The following OPRM1 variants were observed in gnomAD, a reference collection of about 807,000 sequenced individuals.
The protein encoded by OPRM1 is mu-type opioid receptor.
OPRM1 carries 27 observed loss-of-function variants against 31.8 expected under a neutral mutation model. The observed-to-expected ratio is 0.85, with a 90% CI of 0.63 to 1.17. The LOEUF is 1.17. OPRM1 is among the 50% of genes most tolerant of loss of function. The probability of loss-of-function intolerance (pLI) is 0.00; values close to 1 mark genes in which losing one functional copy is unlikely to be tolerated. For missense variants in OPRM1, 536 were observed against 511.1 expected (o/e 1.05, Z -0.47); for synonymous variants, 196 against 189.9 (o/e 1.03, Z -0.26).
At chr6:154,086,991 T>G in intron 1 of OPRM1, 1 of 984,010 alleles carries the variant, frequency 1.0e-6, no homozygotes, top group African/African-American at 1.7e-5. Flanking sequence ...TACTTTGGAG[T>G]ATTTGTCTAC....
At chr6:154,182,738 A>G (rs9371331) in intron 3 of OPRM1, among the ~76,000 whole-genome samples, 28,534 of 152,174 alleles carry the variant, frequency 0.19, 3,003 homozygotes, top group Non-Finnish European at 0.23. Context: ...TACGAATCCA[A>G]TGCATTGTAG....
chr6:154,143,080 A>T (rs1033402838), intron 3 of OPRM1, among the ~76,000 whole-genome samples: 3 of 152,172 alleles, frequency 2.0e-5, no homozygotes, highest in African/African-American at 7.2e-5. Context: ...TCTCATTTCT[A>T]ATATATATAT....
chr6:154,163,990 T>C (rs1260010707), intron 3 of OPRM1, among the ~76,000 whole-genome samples: 1 of 152,218 alleles, frequency 6.6e-6, no homozygotes, highest in African/African-American at 2.4e-5. Context: ...TTCTTCTTTC[T>C]GAGTTTTCAA....
At chr6:154,143,522 T>C (rs1172985553) in intron 3 of OPRM1, among the ~76,000 whole-genome samples, 1 of 152,244 alleles carries the variant, frequency 6.6e-6, no homozygotes, top group African/African-American at 2.4e-5. Flanking sequence ...AGTGTAAGAA[T>C]ATAAATTGCC....
chr6:154,149,544 G>T (rs768952594), intron 3 of OPRM1, among the ~76,000 whole-genome samples: 10 of 152,052 alleles, frequency 6.6e-5, no homozygotes, highest in African/African-American at 9.7e-5. Context: ...ACAAGGGATT[G>T]TGACTTTCTT....
intron 3 of OPRM1, among the ~76,000 whole-genome samples, chr6:154,196,125 T>G (rs1776608187): frequency 6.6e-6 from 1 of 152,152 alleles, no homozygotes; most frequent in Non-Finnish European, 1.5e-5. Flanking sequence ...TAGCACAAAG[T>G]ACATCAGCAC....
downstream of OPRM1, among the ~76,000 whole-genome samples, chr6:154,133,804 C>G (rs1444292836): frequency 6.6e-6 from 1 of 152,180 alleles, no homozygotes; most frequent in Non-Finnish European, 1.5e-5. Flanking sequence ...GCAGCGTAAG[C>G]CCTCCAAGTG....
chr6:154,187,653 C>G (rs972920092), intron 3 of OPRM1, among the ~76,000 whole-genome samples: 1 of 152,190 alleles, frequency 6.6e-6, no homozygotes, highest in Non-Finnish European at 1.5e-5. Context: ...CATCATGTCT[C>G]ACTCAACCCT....
intron 1 of OPRM1, among the ~76,000 whole-genome samples, chr6:154,019,747 C>CTTTTCTTTTTTTTTTTTT (rs61209522): frequency 3.3e-5 from 4 of 122,018 alleles, no homozygotes; most frequent in African/African-American, 6.8e-5. Flanking sequence ...CTTTTCTTTT[C>CTTTTCTTTTTTTTTTTTT]TTTTTTTTTT....
chr6:154,229,942 C>T (rs758674454), intron 3 of OPRM1, among the ~76,000 whole-genome samples: 4 of 152,118 alleles, frequency 2.6e-5, no homozygotes, highest in African/African-American at 4.8e-5. Context: ...AAACATTCTG[C>T]TAAGTGAAAG....
At chr6:154,163,319 T>G (rs1009404672) in intron 3 of OPRM1, among the ~76,000 whole-genome samples, 3 of 152,264 alleles carry the variant, frequency 2.0e-5, no homozygotes, top group Non-Finnish European at 4.4e-5. Context: ...TTTGTGTTTT[T>G]GTTCCTTTTG....
chr6:154,126,346 G>A lies in OPRM1; in HGVS notation c.*7625G>A, dbSNP rs1396477625. 6.6e-6 allele frequency among the ~76,000 whole-genome samples: 1 copy of A among 152,192 alleles called. No individual in the cohort carries two copies. On this transcript the variant is annotated 3_prime_UTR_variant, in exon 4 of 4. Coordinates refer to ENST00000330432, the MANE Select transcript of OPRM1 (RefSeq NM_000914.5). ...TTAACAAGACCAGAGAGAAGGGAGA[G>A]GAGACTACATTTGTGTGACCTAATG... is the stretch of plus-strand genomic sequence containing the variant.
In OPRM1 at chr6:154,119,868, T is replaced by C. The variant is rs1440183430; in HGVS notation, c.*1147T>C. ...TTTCCTGAAGATTGTGTTTATATAA[T>C]GTCATCACCAATATTTTGGTCTTTT... On this transcript the variant is annotated 3_prime_UTR_variant, in exon 4 of 4. Transcript: ENST00000330432. Among the ~76,000 whole-genome samples, 1 of 152,254 alleles carries C rather than the reference T, an allele frequency of 6.6e-6. No homozygotes were observed. The highest frequency in any genetic ancestry group is 1.5e-5 in the Non-Finnish European group (1 of 68,044).
chr6:154,189,986 A>G (rs1414632231), intron 3 of OPRM1, among the ~76,000 whole-genome samples: 2 of 152,158 alleles, frequency 1.3e-5, no homozygotes, highest in East Asian at 3.8e-4. Context: ...TAATATGTAC[A>G]ATTGTTATAT....
chr6:154,091,155 A>T lies in OPRM1; in HGVS notation c.847A>T (p.Met283Leu). The T allele has an allele frequency of 3.7e-6, 6 of 1,614,138 alleles. No homozygotes were observed. The highest frequency in any genetic ancestry group is 5.1e-6 in the Non-Finnish European group (6 of 1,180,016). The change falls in exon 3 of 4, where the codon ATG (methionine) becomes TTG (leucine). Residue 283 changes from methionine to leucine, a missense_variant. Transcript: ENST00000330432. ...CAGGAATCTTCGAAGGATCACCAGGATGGTGCTGGTGGTGGTGGCTGTGTT... is the reference window on the plus strand; with the variant it reads ...CAGGAATCTTCGAAGGATCACCAGGTTGGTGCTGGTGGTGGTGGCTGTGTT... ...KDRNLRRITR[M>L]VLVVVAVFIV...
chr6:154,110,088 T>G (rs796598281), intron 3 of OPRM1, among the ~76,000 whole-genome samples: 19 of 152,346 alleles, frequency 1.2e-4, no homozygotes, highest in African/African-American at 3.6e-4. Flanking sequence ...ATTGTTGAAC[T>G]CTTATTCTTA....
At chr6:154,210,632 A>C (rs1036913629) in intron 3 of OPRM1, among the ~76,000 whole-genome samples, 1 of 152,228 alleles carries the variant, frequency 6.6e-6, no homozygotes, top group Non-Finnish European at 1.5e-5. Context: ...AAAGATATAA[A>C]GAAAATAAAA....
intron 1 of OPRM1, among the ~76,000 whole-genome samples, chr6:154,040,664 C>T (rs1779871720): frequency 6.6e-6 from 1 of 152,196 alleles, no homozygotes; most frequent in African/African-American, 2.4e-5. Context: ...TGACCAAAAG[C>T]ATCATAATTC....
chr6:154,057,032 C>T (rs893014093), intron 1 of OPRM1, among the ~76,000 whole-genome samples: 1 of 152,136 alleles, frequency 6.6e-6, no homozygotes, highest in African/African-American at 2.4e-5. Context: ...AAAAGGAAGC[C>T]TTTTCAACTT....
Sources: gnomAD v4.1 joint callset for allele counts (sites outside exome capture counted in the v4.1 genomes callset) on GRCh38, gnomAD v4.1.1 for gene constraint, MANE v1.5 for transcripts, NCBI Gene and HGNC (gene_info 2026-07-23, HGNC 2026-07-21) for gene names.